The following ZC3H12B variants were observed in gnomAD, a reference collection of about 807,000 sequenced individuals.
ZC3H12B encodes the protein zinc finger CCCH-type containing 12B.
A neutral mutation model predicts 43.9 loss-of-function variants in ZC3H12B; 7 were observed. The ratio of observed to expected loss-of-function variants is 0.16; its 90% CI spans 0.09 to 0.30. The LOEUF (loss-of-function observed/expected upper bound fraction) is 0.30. ZC3H12B is among the 10% of genes least tolerant of loss of function. The pLI is 1.00. For missense variants in ZC3H12B, 475 were observed against 670.2 expected (o/e 0.71, Z 3.22); for synonymous variants, 222 against 241.7 (o/e 0.92, Z 0.76).
At chrX:65,214,751 G>T in the ZC3H12B span, among the ~76,000 whole-genome samples, 2 of 111,614 alleles carry the variant, frequency 1.8e-5, no homozygotes, top group Admixed American at 9.6e-5. Flanking sequence ...ATGGCATTTG[G>T]GATGGTGATT....
At chrX:65,443,368 C>A (rs1356475263) in intron 3 of ZC3H12B, among the ~76,000 whole-genome samples, 2 of 110,764 alleles carry the variant, frequency 1.8e-5, no homozygotes, top group Non-Finnish European at 3.8e-5. Flanking sequence ...CTGGGGAGAC[C>A]CTAACCTAGA....
At chrX:65,125,273 T>G in the ZC3H12B span, among the ~76,000 whole-genome samples, 2 of 111,925 alleles carry the variant, frequency 1.8e-5, no homozygotes. Context: ...TTATTTAATT[T>G]CCATGTATTT....
rs1420135925 is a variant in ZC3H12B at position 65,366,687 on chromosome X, G to A, written n.50G>A. ...CAAGATACCACTGCTTCTTTTAAGA[G>A]TGATGGGTTTCCCAGGTGATACTTG... On this transcript the variant is annotated non_coding_transcript_exon_variant, in exon 1 of 6. In the 5' UTR this introduces an upstream ATG that the reference lacks. Transcript: ENST00000617377. 8.9e-6 allele frequency: 1 copy of A among 112,006 alleles called. No individual in the cohort carries two copies. The highest frequency in any genetic ancestry group is 1.9e-5 in the Non-Finnish European group (1 of 53,186). The allele number at this position is 112,006 out of a possible 1,213,427, so 9.2% of individuals were successfully genotyped here. A position where few individuals can be genotyped will look rare whatever the true frequency, so the allele number is the denominator to read the frequency against.
intron 2 of ZC3H12B, among the ~76,000 whole-genome samples, chrX:65,379,681 C>A (rs1438810951): frequency 8.9e-6 from 1 of 111,904 alleles, no homozygotes; most frequent in African/African-American, 3.2e-5. Flanking sequence ...GACATTCAAA[C>A]CAAACGCAAA....
chrX:65,143,963 T>A, the ZC3H12B span, among the ~76,000 whole-genome samples: 1 of 111,324 alleles, frequency 9.0e-6, no homozygotes, highest in East Asian at 2.8e-4. Flanking sequence ...GGTCTTTAGT[T>A]CTTTTTTGGG....
At chrX:65,106,289 T>G in the ZC3H12B span, among the ~76,000 whole-genome samples, 9 of 112,106 alleles carry the variant, frequency 8.0e-5, no homozygotes, top group African/African-American at 2.9e-4. Context: ...TTGGCAGATA[T>G]AGTAATGAAT....
the ZC3H12B span, among the ~76,000 whole-genome samples, chrX:65,358,896 A>G: frequency 8.9e-6 from 1 of 112,118 alleles, no homozygotes; most frequent in African/African-American, 3.2e-5. Context: ...ATATACCTAG[A>G]CAGGAGAAGT....
intron 3 of ZC3H12B, among the ~76,000 whole-genome samples, chrX:65,414,119 G>T (rs1017968019): frequency 9.0e-6 from 1 of 111,436 alleles, no homozygotes; most frequent in African/African-American, 3.3e-5. Context: ...GATCTGATTT[G>T]CTAGAATTTT....
the ZC3H12B span, among the ~76,000 whole-genome samples, chrX:65,197,011 G>A: frequency 8.9e-6 from 1 of 112,100 alleles, no homozygotes; most frequent in Non-Finnish European, 1.9e-5. Flanking sequence ...GGCAGAGCAA[G>A]CAGTAAGTAA....
the ZC3H12B span, among the ~76,000 whole-genome samples, chrX:65,220,119 G>A: frequency 9.0e-6 from 1 of 111,500 alleles, no homozygotes; most frequent in Non-Finnish European, 1.9e-5. Context: ...CTTCATAAAT[G>A]AAGGAAAGAT....
At chrX:65,052,051 C>T in the ZC3H12B span, among the ~76,000 whole-genome samples, 2 of 111,208 alleles carry the variant, frequency 1.8e-5, no homozygotes, top group Admixed American at 1.9e-4. Flanking sequence ...CCCCCAGTTA[C>T]ATGACTCGGC....
At chrX:65,242,271 G>T in the ZC3H12B span, among the ~76,000 whole-genome samples, 1 of 111,674 alleles carries the variant, frequency 9.0e-6, no homozygotes, top group South Asian at 3.8e-4. Context: ...TCTTCTCTGT[G>T]AGAGCTGCGG....
chrX:65,166,451 A>G, the ZC3H12B span, among the ~76,000 whole-genome samples: 1 of 111,780 alleles, frequency 8.9e-6, no homozygotes, highest in Non-Finnish European at 1.9e-5. Flanking sequence ...TCATTGATGG[A>G]CATTTGGGTT....
chrX:65,334,724 C>G, the ZC3H12B span, among the ~76,000 whole-genome samples: 2 of 111,395 alleles, frequency 1.8e-5, no homozygotes, highest in East Asian at 5.6e-4. Context: ...GGAAAAGTGC[C>G]AGTTTCTCTG....
At position 65,497,849 on chromosome X, in the gene ZC3H12B, G is replaced by C. The variant is rs1030210251; in HGVS notation, c.748+578G>C. 3.6e-5 allele frequency among the ~76,000 whole-genome samples: 4 copies of C among 111,839 alleles called. No individual in the cohort carries two copies. The Admixed American group carries it at 3.8e-4, about 11-fold the overall frequency. ...CAATGCATGTACAATGATGTATCTA[G>C]CTGGGTTATCCTTGGCTTTATACTG... On this transcript the variant is annotated intron_variant, in intron 2 of 4. Coordinates refer to ENST00000338957, the Ensembl canonical transcript of ZC3H12B.
chrX:65,457,343 C>T (rs1231041661), intron 3 of ZC3H12B, among the ~76,000 whole-genome samples: 2 of 24,291 alleles, frequency 8.2e-5, no homozygotes, highest in Non-Finnish European at 1.2e-4. Flanking sequence ...CCCGGCCAGC[C>T]GCCCTATCCA....
Position 65,423,033 on chromosome X carries a change from C to T in ZC3H12B, n.407+24329C>T, listed in dbSNP as rs182135835. Among the ~76,000 whole-genome samples the T allele has an allele frequency of 8.5e-3, 879 of 103,450 alleles. 3 individuals are homozygous for T. The highest frequency in any genetic ancestry group is 0.013 in the Non-Finnish European group (676 of 51,095). 89.8% of individuals were successfully genotyped at this position (103,450 alleles called of 115,157 possible). On this transcript the variant is annotated intron_variant and non_coding_transcript_variant, in intron 3 of 5. Coordinates refer to the ZC3H12B transcript ENST00000617377. ...CTGCAAGCTCCACCTCCCAGGTTCA[C>T]GCCATTCTCCTGCCTCAGCCTCCTG...
At chrX:65,252,278 G>T in the ZC3H12B span, among the ~76,000 whole-genome samples, 3 of 111,135 alleles carry the variant, frequency 2.7e-5, no homozygotes, top group Admixed American at 1.9e-4. Flanking sequence ...GCATCCCAGG[G>T]ATGAAGCCCA....
chrX:65,183,687 A>G, the ZC3H12B span, among the ~76,000 whole-genome samples: 22 of 111,834 alleles, frequency 2.0e-4, 1 homozygote, highest in Admixed American at 1.4e-3. Context: ...AGATGAATAT[A>G]TTTTTATAGT....
Sources: allele counts gnomAD v4.1 joint callset (sites outside exome capture counted in the v4.1 genomes callset), GRCh38; gene constraint gnomAD v4.1.1; transcripts MANE v1.5; gene names NCBI Gene and HGNC (gene_info 2026-07-23, HGNC 2026-07-21).